Variants in MCC observed in about 807,000 individuals in gnomAD.
MCC encodes the protein colorectal mutant cancer protein.
In MCC, 90 loss-of-function variants were observed where a neutral mutation model predicts 116.2. The ratio of observed to expected loss-of-function variants is 0.77; its 90% CI spans 0.65 to 0.92. MCC has a LOEUF of 0.92. Among genes scored for constraint, MCC ranks in the 40% least tolerant of loss-of-function variants. The pLI is 0.00. For synonymous variants in MCC, 578 were observed against 510.5 expected (o/e 1.13, Z -1.78); for missense variants, 1,516 against 1,312.2 (o/e 1.16, Z -2.40).
chr5:113,055,773 G>A (rs1344380072), intron 14 of MCC, among the ~76,000 whole-genome samples: 1 of 152,216 alleles, frequency 6.6e-6, no homozygotes. Flanking sequence ...AGGCATTGCT[G>A]CGAAGGTGTT....
At chr5:113,132,427 C>CACACATATATATATATATAT (rs1758501184) in intron 5 of MCC, among the ~76,000 whole-genome samples, 1 of 107,340 alleles carries the variant, frequency 9.3e-6, no homozygotes, top group Admixed American at 9.2e-5. Context: ...TACACACATA[C>CACACATATATATATATATAT]ATATATATAT....
At chr5:113,454,316 G>C (rs1771481605) in intron 1 of MCC, among the ~76,000 whole-genome samples, 1 of 152,000 alleles carries the variant, frequency 6.6e-6, no homozygotes. Flanking sequence ...TGTTGCCCAG[G>C]CTCGTCTACA....
intron 3 of MCC, among the ~76,000 whole-genome samples, chr5:113,157,003 G>A (rs944422949): frequency 6.6e-6 from 1 of 152,112 alleles, no homozygotes; most frequent in African/African-American, 2.4e-5. Context: ...CTCTCCCAGG[G>A]GTATCTCCTT....
intron 6 of MCC, among the ~76,000 whole-genome samples, chr5:113,117,987 A>G (rs932685126): frequency 1.3e-5 from 2 of 152,242 alleles, no homozygotes; most frequent in East Asian, 1.9e-4. Flanking sequence ...CTTCCTGTTT[A>G]AACCGAGGAG....
At chr5:113,478,654 A>G (rs758503720) in intron 1 of MCC, among the ~76,000 whole-genome samples, 33 of 152,200 alleles carry the variant, frequency 2.2e-4, no homozygotes, top group Non-Finnish European at 3.7e-4. Context: ...AATTCAAGGG[A>G]GACATTGAGG....
chr5:113,083,696 A>G (rs1307394010), intron 10 of MCC, among the ~76,000 whole-genome samples: 1 of 152,220 alleles, frequency 6.6e-6, no homozygotes, highest in Non-Finnish European at 1.5e-5. Flanking sequence ...TAGGCTTCAA[A>G]GACAACATTC....
chr5:113,359,338 C>T (rs1768491349), intron 2 of MCC, among the ~76,000 whole-genome samples: 1 of 152,228 alleles, frequency 6.6e-6, no homozygotes, highest in South Asian at 2.1e-4. Context: ...CTTATCAACA[C>T]CATCACCATT....
chr5:113,113,607 C>T (rs912610947), intron 6 of MCC, among the ~76,000 whole-genome samples: 4 of 145,200 alleles, frequency 2.8e-5, no homozygotes, highest in African/African-American at 5.1e-5. Flanking sequence ...AGGAACCTCC[C>T]GCTGCAACAT....
At chr5:113,165,979 C>A (rs550068783) in intron 3 of MCC, among the ~76,000 whole-genome samples, 1 of 125,292 alleles carries the variant, frequency 8.0e-6, no homozygotes, top group Admixed American at 8.4e-5. Flanking sequence ...TGGGAGGGGG[C>A]AGGGAATGAA....
chr5:113,417,367 A>G (rs572274041), intron 1 of MCC, among the ~76,000 whole-genome samples: 1 of 152,344 alleles, frequency 6.6e-6, no homozygotes, highest in South Asian at 2.1e-4. Flanking sequence ...CCCATACTTC[A>G]TAAAGCAGAG....
intron 1 of MCC, among the ~76,000 whole-genome samples, chr5:113,443,470 T>G (rs1416025992): frequency 1.3e-5 from 2 of 152,222 alleles, no homozygotes; most frequent in African/African-American, 4.8e-5. Context: ...CTTCTTTTCC[T>G]ATTTGAATAC....
At chr5:113,186,701 G>T (rs987806951) in intron 3 of MCC, among the ~76,000 whole-genome samples, 1 of 152,154 alleles carries the variant, frequency 6.6e-6, no homozygotes, top group Non-Finnish European at 1.5e-5. Flanking sequence ...TTAGCCCTGG[G>T]ATGTCGAAAA....
At chr5:113,273,660 G>C (rs1198888040) in intron 3 of MCC, among the ~76,000 whole-genome samples, 1 of 152,114 alleles carries the variant, frequency 6.6e-6, no homozygotes, top group Non-Finnish European at 1.5e-5. Flanking sequence ...AGGAAAGAGG[G>C]GTTAAAGTAG....
At chr5:113,388,912 A>G (rs1182165908) in intron 1 of MCC, among the ~76,000 whole-genome samples, 2 of 152,184 alleles carry the variant, frequency 1.3e-5, no homozygotes, top group African/African-American at 4.8e-5. Flanking sequence ...CCATGCTATC[A>G]TCTAGCATCT....
chr5:113,433,520 G>C (rs11953401), intron 1 of MCC: 4 of 628,554 alleles, frequency 6.4e-6, no homozygotes, highest in Non-Finnish European at 8.3e-6. Context: ...AGTAGGAGTC[G>C]CACGACTGTC....
intron 1 of MCC, among the ~76,000 whole-genome samples, chr5:113,457,233 C>T (rs1325310450): frequency 3.9e-5 from 6 of 152,236 alleles, no homozygotes; most frequent in East Asian, 1.9e-4. Flanking sequence ...GGGCCCCACA[C>T]TCGGAGCAGC....
intron 3 of MCC, among the ~76,000 whole-genome samples, chr5:113,257,103 A>T (rs1765036416): frequency 6.6e-6 from 1 of 152,152 alleles, no homozygotes; most frequent in South Asian, 2.1e-4. Context: ...ATCAGTGAAG[A>T]TTAGCAGAAG....
chr5:113,132,712 G>T (rs1561385648), intron 5 of MCC, among the ~76,000 whole-genome samples: 1 of 152,124 alleles, frequency 6.6e-6, no homozygotes, highest in African/African-American at 2.4e-5. Context: ...GGCCTGACTT[G>T]TATTGGGTTG....
At chr5:113,163,364 A>T (rs912353501) in intron 3 of MCC, among the ~76,000 whole-genome samples, 1 of 152,222 alleles carries the variant, frequency 6.6e-6, no homozygotes, top group African/African-American at 2.4e-5. Context: ...GTTGTCACCA[A>T]AACAGAGAAA....
Sources: allele counts gnomAD v4.1 joint callset (sites outside exome capture counted in the v4.1 genomes callset), GRCh38; gene constraint gnomAD v4.1.1; transcripts MANE v1.5; gene names NCBI Gene and HGNC (gene_info 2026-07-23, HGNC 2026-07-21).